The following MYO7B variants were observed in gnomAD, a reference collection of about 807,000 sequenced individuals.
MYO7B encodes the protein myosin VIIB.
MYO7B carries 212 observed loss-of-function variants against 259.7 expected under a neutral mutation model. The ratio of observed to expected loss-of-function variants is 0.82; its 90% CI spans 0.73 to 0.91. The LOEUF (loss-of-function observed/expected upper bound fraction) is 0.91, where lower values mean the gene tolerates loss of function less well. Among genes scored for constraint, MYO7B ranks in the 40% least tolerant of loss-of-function variants. MYO7B has a pLI of 0.00. For synonymous variants in MYO7B, 1,197 were observed against 1,166.4 expected (o/e 1.03, Z -0.54); for missense variants, 2,732 against 2,813.5 (o/e 0.97, Z 0.66).
In MYO7B at chr2:127,636,934, C is replaced by G; in HGVS notation, c.6327+21C>G. The G allele has an allele frequency of 6.2e-7, 1 of 1,608,592 alleles. No individual in the cohort carries two copies. Among genetic ancestry groups the G allele is most frequent in the Non-Finnish European group, 8.5e-7 (1 of 1,179,828 alleles). On this transcript the variant is annotated intron_variant, in intron 47 of 47. Coordinates refer to ENST00000409816, the MANE Select transcript of MYO7B (RefSeq NM_001393586.1). The surrounding 1 kb of genome is among the most constrained non-coding windows in gnomAD (Gnocchi z 4.5). ...CCCTGGTGAGCTCAGGTTCTTTCTC[C>G]CATCCAAGATGCATAGGACAGAGCT...
At chr2:127,569,519 G>A (rs1678496209) in intron 5 of MYO7B, among the ~76,000 whole-genome samples, 2 of 152,116 alleles carry the variant, frequency 1.3e-5, no homozygotes, top group Non-Finnish European at 1.5e-5. Context: ...GGGCACTGTG[G>A]TGCTGACCCT....
chr2:127,583,044 G>A (rs1037463424), intron 12 of MYO7B, among the ~76,000 whole-genome samples: 3 of 152,214 alleles, frequency 2.0e-5, no homozygotes, highest in Non-Finnish European at 2.9e-5. Flanking sequence ...GATGCTCAGG[G>A]GCACTATCAC....
intron 14 of MYO7B, among the ~76,000 whole-genome samples, chr2:127,587,084 G>A (rs901646876): frequency 6.6e-6 from 1 of 152,204 alleles, no homozygotes; most frequent in Non-Finnish European, 1.5e-5. Flanking sequence ...TGTGCACAGA[G>A]CATACCACTA....
rs796682597 is a variant in MYO7B at position 127,627,584 on chromosome 2, C to T, written c.4460+274C>T. The T allele has an allele frequency of 2.6e-5, 15 of 572,880 alleles. 1 individual carries two copies. Among genetic ancestry groups the T allele is most frequent in the African/African-American group, 2.0e-4 (11 of 54,178 alleles). 35.5% of individuals were successfully genotyped at this position (572,880 alleles called of 1,614,324 possible). On this transcript the variant is annotated intron_variant, in intron 33 of 47. Transcript: ENST00000409816. This position sits in a 1 kb window ranked among gnomAD's most constrained non-coding sequence, Gnocchi z 5.6. ...GGTCCACCCGGAAGGGGCAGGGAAG[C>T]GTGCAGCCTCTGGCGGGCACTTATT... is the stretch of plus-strand genomic sequence containing the variant.
At chr2:127,633,175 T>G in intron 39 of MYO7B, 83 bp from the exon 40 acceptor site, 18 of 1,045,346 alleles carry the variant, frequency 1.7e-5, no homozygotes, top group East Asian at 2.6e-5. Flanking sequence ...TTCTGGCACA[T>G]GGTTTAGGGC....
At position 127,601,896 on chromosome 2, in the gene MYO7B, G is replaced by A. The variant is rs569747219; in HGVS notation, c.2340-3948G>A. Among the ~76,000 whole-genome samples the A allele has an allele frequency of 2.6e-5, 4 of 152,204 alleles. No homozygotes were observed. The East Asian group carries it at 5.8e-4, about 22-fold the overall frequency. On this transcript the variant is annotated intron_variant, in intron 19 of 47. Transcript: ENST00000409816. ...GTTTCATTATAATGATGAGAAAACC[G>A]TTGGTTCCATTACATATCATTTCAC... is the stretch of plus-strand genomic sequence containing the variant.
At position 127,627,424 on chromosome 2, in the gene MYO7B, G is replaced by A. The variant is rs994375126; in HGVS notation, c.4460+114G>A. 1.4e-6 allele frequency: 2 copies of A among 1,413,472 alleles called. No homozygotes were observed. Among genetic ancestry groups the A allele is most frequent in the Non-Finnish European group, 9.7e-7 (1 of 1,030,642 alleles). The allele number at this position is 1,413,472 out of a possible 1,614,324, so 87.6% of individuals were successfully genotyped here. A position where few individuals can be genotyped will look rare whatever the true frequency, so the allele number is the denominator to read the frequency against. On this transcript the variant is annotated intron_variant, in intron 33 of 47. Coordinates refer to ENST00000409816, the MANE Select transcript of MYO7B (RefSeq NM_001393586.1). The surrounding 1 kb of genome is among the most constrained non-coding windows in gnomAD (Gnocchi z 5.6). ...GTGCCGTCCCGGGTAACAGGCCGGG[G>A]TGGAGGGACAAGAATCTACGTATGC...
chr2:127,619,149 G>C (rs187592714), intron 26 of MYO7B, among the ~76,000 whole-genome samples: 1,828 of 147,290 alleles, frequency 0.012, 28 homozygotes, highest in South Asian at 0.034. Context: ...GCTGGATTGT[G>C]GGGGCCGGTT....
In MYO7B at chr2:127,632,313, C is replaced by G; in HGVS notation, c.5317C>G (p.Leu1773Val). The change falls in exon 39 of 48, where the codon CTG becomes GTG. Residue 1773 changes from leucine to valine, a missense_variant. By Grantham distance (32) the Leu-to-Val change is conservative. Coordinates refer to ENST00000409816, the MANE Select transcript of MYO7B (RefSeq NM_001393586.1). ...GGGCCTCTTCCCGCCCAGCAAGGGG[C>G]TGCTGCCCCATGCCCAGAAGTTTAT... is the stretch of plus-strand genomic sequence containing the variant. ...CTGLFPPSKGLLPHAQKFIDT... is the reference protein window; with the variant it reads ...CTGLFPPSKGVLPHAQKFIDT... The G allele has an allele frequency of 6.2e-7, 1 of 1,610,340 alleles. No individual in the cohort carries two copies. Among genetic ancestry groups the G allele is most frequent in the Non-Finnish European group, 8.5e-7 (1 of 1,178,950 alleles).
intron 3 of MYO7B, 120 bp downstream of exon 3, chr2:127,564,386 T>G (rs111710623): frequency 8.4e-6 from 6 of 714,324 alleles, no homozygotes; most frequent in African/African-American, 3.6e-5. Context: ...AGTGGGGACC[T>G]GGGTGGCAGG....
At chr2:127,608,083 G>C (rs1192753030) in intron 21 of MYO7B, among the ~76,000 whole-genome samples, 7 of 152,186 alleles carry the variant, frequency 4.6e-5, no homozygotes, top group African/African-American at 1.7e-4. Flanking sequence ...CCTCCATCGA[G>C]TACTCGAGAC....
chr2:127,580,970 T>A, intron 10 of MYO7B, 148 bp downstream of exon 10: 1 of 791,290 alleles, frequency 1.3e-6, no homozygotes. Flanking sequence ...TTCTGTATAC[T>A]GCAGGTGCCT....
intron 1 of MYO7B, among the ~76,000 whole-genome samples, chr2:127,537,907 G>T (rs552767683): frequency 1.3e-5 from 2 of 152,352 alleles, no homozygotes; most frequent in African/African-American, 4.8e-5. Context: ...ACGAGCTCAG[G>T]ATGAAGTCAA....
Position 127,559,376 on chromosome 2 carries a change from C to T in MYO7B, c.-23-324C>T, listed in dbSNP as rs919462039. ...CCTGAGCACTTCCCAAGATGTGTGACGGTGACTGGTTTTCATGGATATCTG... is the reference window on the plus strand; with the variant it reads ...CCTGAGCACTTCCCAAGATGTGTGATGGTGACTGGTTTTCATGGATATCTG... On this transcript the variant is annotated intron_variant, in intron 1 of 47. Transcript: ENST00000409816. The surrounding 1 kb of genome is among the most constrained non-coding windows in gnomAD (Gnocchi z 4.1). Among the ~76,000 whole-genome samples the T allele has an allele frequency of 3.9e-5, 6 of 152,214 alleles. No individual in the cohort carries two copies. The highest frequency in any genetic ancestry group is 4.4e-5 in the Non-Finnish European group (3 of 68,040).
chr2:127,624,267 A>G lies in MYO7B; in HGVS notation c.3994A>G (p.Ile1332Val). Residue 1332 changes from isoleucine (I) to valine (V), a missense_variant, in exon 30 of 48, where the codon ATT (isoleucine) becomes GTT (valine). Physicochemically the swap from Ile to Val is conservative, Grantham distance 29 (BLOSUM62 3). This residue lies in a region of MYO7B where 1,906 missense variants were observed against 2,026.4 expected (regional missense o/e 0.94). Transcript: ENST00000409816. ...GGAGGACCCTGTCAGCACCGAGCTT[A>G]TTTACCGCCAAGTCCTCCGAGGAGT... is the stretch of plus-strand genomic sequence containing the variant. ...SREDPVSTEL[I>V]YRQVLRGVWS... is the part of the protein sequence containing the mutation. 6.3e-7 allele frequency: 1 copy of G among 1,593,362 alleles called. No individual in the cohort carries two copies. Among genetic ancestry groups the G allele is most frequent in the East Asian group, 2.3e-5 (1 of 43,760 alleles).
chr2:127,637,352 C>T lies in MYO7B; in HGVS notation c.6364C>T (p.Gln2122Ter), dbSNP rs1316757123. The T allele has an allele frequency of 6.3e-7, 1 of 1,595,072 alleles. No homozygotes were observed. The highest frequency in any genetic ancestry group is 8.5e-7 in the Non-Finnish European group (1 of 1,171,018). The change falls in exon 48 of 48, where the codon CAG (glutamine) becomes TAG (stop). Residue 2122 changes from glutamine to a stop codon, truncating the protein, a stop_gained. Transcript: ENST00000409816. LOFTEE classifies it low-confidence loss of function (END_TRUNC). ...KMDDLLTSYVQQLLSAMNKQR... is the reference protein window; with the variant it reads ...KMDDLLTSYV The stretch of plus-strand genomic sequence containing the variant: ...GGATGACCTGCTGACCTCATATGTG[C>T]AGCAGCTCCTGAGTGCCATGAACAA...
Position 127,615,043 on chromosome 2 carries a change from T to C in MYO7B, c.3398+2440T>C, listed in dbSNP as rs1157280871. On this transcript the variant is annotated intron_variant, in intron 26 of 47. Transcript: ENST00000409816. This position sits in a 1 kb window ranked among gnomAD's most constrained non-coding sequence, Gnocchi z 4.4. ...GCCAGGGACAGAGATGAAGAAGACA[T>C]GGCTCTGTCCTGGAGGAGCTCACCC... Among the ~76,000 whole-genome samples, 3 of 152,076 alleles carry C rather than the reference T, an allele frequency of 2.0e-5. No individual in the cohort carries two copies. The highest frequency in any genetic ancestry group is 2.9e-5 in the Non-Finnish European group (2 of 67,994).
chr2:127,598,466 T>C (rs961804949), intron 19 of MYO7B, among the ~76,000 whole-genome samples: 47 of 152,216 alleles, frequency 3.1e-4, no homozygotes, highest in African/African-American at 1.1e-3. Context: ...TGAGAGTTCT[T>C]TATATATTCT....
At chr2:127,622,122 G>C (rs56189444) in intron 28 of MYO7B, 21 bp downstream of exon 28, 10 of 1,544,254 alleles carry the variant, frequency 6.5e-6, no homozygotes, top group Middle Eastern at 1.8e-4. Flanking sequence ...GCAGGGGTGA[G>C]AGCGGGCAGG....
Sources: gnomAD v4.1 joint callset for allele counts (sites outside exome capture counted in the v4.1 genomes callset) on GRCh38, gnomAD v4.1.1 for gene constraint, gnomAD v4.1.1 regional missense constraint, Gnocchi (gnomAD v3.1) non-coding constraint, MANE v1.5 for transcripts, NCBI Gene and HGNC (gene_info 2026-07-23, HGNC 2026-07-21) for gene names.